Variants in PDE7B observed in about 807,000 individuals in gnomAD.
PDE7B encodes the protein 3',5'-cyclic-AMP phosphodiesterase 7B.
A neutral mutation model predicts 56.2 loss-of-function variants in PDE7B; 29 were observed. The observed-to-expected ratio is 0.52, with a 90% CI of 0.38 to 0.70. The LOEUF is 0.70. PDE7B is among the 30% of genes least tolerant of loss of function. The pLI is 0.00. For missense variants in PDE7B, 490 were observed against 565.0 expected (o/e 0.87, Z 1.35); for synonymous variants, 197 against 196.9 (o/e 1.00, Z 0.00).
At chr6:135,985,254 A>G (rs1457700089) in intron 2 of PDE7B, among the ~76,000 whole-genome samples, 1 of 152,180 alleles carries the variant, frequency 6.6e-6, no homozygotes, top group Non-Finnish European at 1.5e-5. Flanking sequence ...TTATTCAACC[A>G]TGACTGTCCT....
chr6:135,876,332 C>T (rs191664569), intron 1 of PDE7B, among the ~76,000 whole-genome samples: 8 of 152,248 alleles, frequency 5.3e-5, no homozygotes, highest in African/African-American at 1.9e-4. Context: ...GGTAGCAGCT[C>T]CCCTTTAAGA....
chr6:136,072,072 CT>C (rs1232626661), intron 2 of PDE7B, among the ~76,000 whole-genome samples: 4 of 152,172 alleles, frequency 2.6e-5, no homozygotes, highest in Non-Finnish European at 4.4e-5. Flanking sequence ...CCTCAGTCCC[CT>C]TTAACATTTT....
chr6:136,192,082 C>T lies in PDE7B; in HGVS notation c.*242C>T, dbSNP rs1175285320. ...TCCATTCAGTAACGTGGGAGCTGAT[C>T]CCACGGGCAGGCTCTCCCTGCTCCA... On this transcript the variant is annotated 3_prime_UTR_variant, in exon 13 of 13. Transcript: ENST00000308191. 3.8e-6 allele frequency: 2 copies of T among 529,752 alleles called. No individual in the cohort carries two copies. Among genetic ancestry groups the T allele is most frequent in the African/African-American group, 1.9e-5 (1 of 52,410 alleles). The allele number at this position is 529,752 out of a possible 1,614,324, so 32.8% of individuals were successfully genotyped here. A position where few individuals can be genotyped will look rare whatever the true frequency, so the allele number is the denominator to read the frequency against.
chr6:135,893,116 G>A (rs534091673), intron 1 of PDE7B, among the ~76,000 whole-genome samples: 57 of 151,924 alleles, frequency 3.8e-4, no homozygotes, highest in South Asian at 8.4e-4. Context: ...TGTGCACAAC[G>A]TGCAGGTTTG....
intron 3 of PDE7B, among the ~76,000 whole-genome samples, chr6:136,140,342 G>A (rs562557906): frequency 9.2e-5 from 14 of 152,178 alleles, no homozygotes; most frequent in South Asian, 6.2e-4. Flanking sequence ...CTCTGTTTTG[G>A]TACCAGTACC....
At chr6:136,137,011 C>T (rs761793197) in intron 3 of PDE7B, among the ~76,000 whole-genome samples, 2 of 151,702 alleles carry the variant, frequency 1.3e-5, no homozygotes, top group Non-Finnish European at 2.9e-5. Flanking sequence ...CACTAGATAC[C>T]AGGGGTCAGA....
intron 2 of PDE7B, among the ~76,000 whole-genome samples, chr6:136,099,092 A>T (rs962198692): frequency 6.6e-6 from 1 of 152,020 alleles, no homozygotes. Flanking sequence ...ATGTCCCTGC[A>T]AAGTACATGA....
intron 1 of PDE7B, among the ~76,000 whole-genome samples, chr6:135,934,866 A>T (rs1435712286): frequency 1.0e-5 from 1 of 95,728 alleles, no homozygotes; most frequent in African/African-American, 4.7e-5. Context: ...TATATATAAA[A>T]ATATATATAA....
intron 8 of PDE7B, among the ~76,000 whole-genome samples, chr6:136,164,380 G>A (rs1023916887): frequency 1.2e-4 from 18 of 152,062 alleles, no homozygotes; most frequent in African/African-American, 4.1e-4. Context: ...TCACATGTAT[G>A]GATTATAGGA....
chr6:136,051,443 C>T (rs1297679224), intron 2 of PDE7B, among the ~76,000 whole-genome samples: 1 of 152,186 alleles, frequency 6.6e-6, no homozygotes, highest in East Asian at 1.9e-4. Flanking sequence ...TTTGAACTCT[C>T]GCATTGTTTA....
At chr6:136,044,502 A>T (rs1281931010) in intron 2 of PDE7B, 1 of 152,210 alleles carries the variant, frequency 6.6e-6, no homozygotes, top group Non-Finnish European at 1.5e-5. Flanking sequence ...ATTTAAACAT[A>T]TTCCAGCAGA....
intron 2 of PDE7B, among the ~76,000 whole-genome samples, chr6:136,079,105 A>G (rs931143661): frequency 3.3e-5 from 5 of 152,150 alleles, no homozygotes; most frequent in Non-Finnish European, 7.4e-5. Context: ...TCAACTTACA[A>G]TGGGTTTATC....
At chr6:135,854,875 T>G (rs941148287) in intron 1 of PDE7B, among the ~76,000 whole-genome samples, 2 of 152,194 alleles carry the variant, frequency 1.3e-5, no homozygotes. Flanking sequence ...GTACCAGGCA[T>G]TGTTAGAAAT....
At chr6:135,917,036 C>T (rs1467699392) in intron 1 of PDE7B, among the ~76,000 whole-genome samples, 3 of 152,098 alleles carry the variant, frequency 2.0e-5, no homozygotes, top group Non-Finnish European at 4.4e-5. Flanking sequence ...CAAAGATAAT[C>T]TATGTTTCCT....
At chr6:136,186,956 G>A (rs147195470) in intron 11 of PDE7B, 80 bp from the exon 12 acceptor site, 18 of 791,162 alleles carry the variant, frequency 2.3e-5, no homozygotes, top group East Asian at 1.2e-4. Flanking sequence ...TTCTTCCGAC[G>A]AGGTCATTAA....
chr6:136,136,344 A>G (rs1778210563), intron 3 of PDE7B, among the ~76,000 whole-genome samples: 2 of 152,128 alleles, frequency 1.3e-5, no homozygotes, highest in South Asian at 4.1e-4. Context: ...TTTCACACCT[A>G]CAACCTGCAG....
At chr6:135,963,557 G>A (rs1774943955) in intron 2 of PDE7B, among the ~76,000 whole-genome samples, 1 of 152,174 alleles carries the variant, frequency 6.6e-6, no homozygotes, top group South Asian at 2.1e-4. Context: ...ATGTGCATGT[G>A]TGTATAGAAC....
Position 136,105,901 on chromosome 6 carries a change from C to T in PDE7B, c.83-2830C>T, listed in dbSNP as rs1473408751. Among the ~76,000 whole-genome samples the T allele has an allele frequency of 2.0e-5, 3 of 152,200 alleles. No homozygotes were observed. In the South Asian group the frequency reaches 6.2e-4, roughly 31 times the overall value. ...TGAAGACCAGGAAGAAATCCTGTCA[C>T]AGGCATTAAAAACTTCATCAATATT... is the stretch of plus-strand genomic sequence containing the variant. On this transcript the variant is annotated intron_variant, in intron 2 of 12. Transcript: ENST00000308191.
At chr6:136,163,421 C>T (rs1778741907) in intron 8 of PDE7B, among the ~76,000 whole-genome samples, 2 of 152,222 alleles carry the variant, frequency 1.3e-5, no homozygotes, top group South Asian at 4.1e-4. Flanking sequence ...TGTCCCAAGG[C>T]TGCACAGAGC....
Sources: allele counts gnomAD v4.1 joint callset (sites outside exome capture counted in the v4.1 genomes callset), GRCh38; gene constraint gnomAD v4.1.1; transcripts MANE v1.5; gene names NCBI Gene and HGNC (gene_info 2026-07-23, HGNC 2026-07-21).